The following YTHDC1 variants were observed in gnomAD, a reference collection of about 807,000 sequenced individuals.
YTHDC1 encodes YTH N6-methyladenosine RNA binding protein C1.
In YTHDC1, 12 loss-of-function variants were observed where a neutral mutation model predicts 107.0. The ratio of observed to expected loss-of-function variants is 0.11; its 90% CI spans 0.07 to 0.18. The LOEUF is 0.18. Ranked by LOEUF, YTHDC1 falls within the 10% of genes least tolerant of loss-of-function variation. YTHDC1 has a pLI of 1.00. For synonymous variants in YTHDC1, 280 were observed against 289.5 expected, an observed-to-expected ratio of 0.97 and a Z score of 0.33; for missense variants, 635 against 898.8, an observed-to-expected ratio of 0.71 and a Z score of 3.75.
chr4:68,336,621 T>A (rs1724198795), intron 4 of YTHDC1, among the ~76,000 whole-genome samples: 2 of 152,336 alleles, frequency 1.3e-5, no homozygotes, highest in East Asian at 1.9e-4. Flanking sequence ...TGAAGCCATA[T>A]GATGGAAATC....
intron 9 of YTHDC1, among the ~76,000 whole-genome samples, chr4:68,328,970 TAGGTACC>T (rs1723282430): frequency 1.3e-5 from 2 of 152,254 alleles, no homozygotes; most frequent in African/African-American, 4.8e-5. Context: ...TATGGTATTA[TAGGTACC>T]TCTTACGAGT....
intron 15 of YTHDC1, 93 bp downstream of exon 15, chr4:68,318,426 G>C (rs1722096695): frequency 2.4e-6 from 3 of 1,272,558 alleles, no homozygotes; most frequent in Non-Finnish European, 3.2e-6. Flanking sequence ...TCTCTTTAAT[G>C]AGTAACTGTA....
At chr4:68,340,530 G>A (rs1014196226) in intron 1 of YTHDC1, among the ~76,000 whole-genome samples, 2 of 151,776 alleles carry the variant, frequency 1.3e-5, no homozygotes, top group East Asian at 1.9e-4. Flanking sequence ...TCTGAATGGT[G>A]GCAAACACCA....
At chr4:68,321,205 A>G (rs1264528825) in intron 11 of YTHDC1, among the ~76,000 whole-genome samples, 1 of 152,228 alleles carries the variant, frequency 6.6e-6, no homozygotes, top group Admixed American at 6.5e-5. Flanking sequence ...ACTAGTTTTC[A>G]GCTATTTGTC....
At chr4:68,316,575 G>T in intron 15 of YTHDC1, 127 bp from the exon 16 acceptor site, 2 of 1,073,168 alleles carry the variant, frequency 1.9e-6, no homozygotes, top group South Asian at 2.2e-5. Context: ...TACTTTGATG[G>T]CATTAAGGTG....
chr4:68,316,437 T>C lies in YTHDC1; in HGVS notation c.1836A>G (p.Pro612=), dbSNP rs1200705368. Residue 612 remains proline (P), a synonymous_variant, in exon 16 of 17, where the codon CCA becomes CCG. Coordinates refer to ENST00000344157, the MANE Select transcript of YTHDC1 (RefSeq NM_001031732.4). Reference sequence around the variant, plus strand: ...GATGGTGTGGAGGTTGTTCCATTCCTGGGTAAGGGGGCTAAAAAAGGAAAA... The same window carrying C: ...GATGGTGTGGAGGTTGTTCCATTCCCGGGTAAGGGGGCTAAAAAAGGAAAA... ...PPPWQGMPPY[P]GMEQPPHHPY... is the part of the protein sequence containing the mutation. The C allele has an allele frequency of 3.1e-6, 5 of 1,612,852 alleles. 1 individual carries two copies. The Admixed American group carries it at 5.0e-5, about 16-fold the overall frequency.
At chr4:68,336,711 TAA>T (rs929068481) in intron 4 of YTHDC1, among the ~76,000 whole-genome samples, 17 of 152,230 alleles carry the variant, frequency 1.1e-4, no homozygotes, top group African/African-American at 4.1e-4. Flanking sequence ...CATCAGTGTT[TAA>T]ATAAACTGCT....
At chr4:68,346,405 T>C (rs1317137678) in intron 1 of YTHDC1, among the ~76,000 whole-genome samples, 1 of 152,146 alleles carries the variant, frequency 6.6e-6, no homozygotes, top group Non-Finnish European at 1.5e-5. Context: ...TGTGTGTATA[T>C]ATACAGTAGT....
chr4:68,327,828 T>A (rs1430034217), intron 9 of YTHDC1, among the ~76,000 whole-genome samples: 2 of 152,154 alleles, frequency 1.3e-5, no homozygotes, highest in Non-Finnish European at 2.9e-5. Context: ...GTTAGAAATA[T>A]CACAAGCCCT....
rs1721301871 is a variant in YTHDC1 at position 68,311,513 on chromosome 4, C to A, written c.*2586G>T. 1 of 152,182 alleles carries A rather than the reference C, an allele frequency of 6.6e-6. No individual in the cohort carries two copies. The highest frequency in any genetic ancestry group is 1.5e-5 in the Non-Finnish European group (1 of 68,022). The allele number at this position is 152,182 out of a possible 1,614,324, so 9.4% of individuals were successfully genotyped here. ...AGCACAGTGGAGTACACGAAAGAAA[C>A]CATGTCTTCTCACAGTGACAAAAGC... On this transcript the variant is annotated 3_prime_UTR_variant, in exon 17 of 17. Coordinates refer to ENST00000344157, the MANE Select transcript of YTHDC1 (RefSeq NM_001031732.4).
chr4:68,329,851 TA>T (rs1277611711), intron 9 of YTHDC1, 150 bp downstream of exon 9: 4 of 554,854 alleles, frequency 7.2e-6, no homozygotes, highest in Non-Finnish European at 9.7e-6. Flanking sequence ...AACTTTAGAC[TA>T]AATACGCCTT....
At chr4:68,347,257 G>C (rs915793936) in intron 1 of YTHDC1, among the ~76,000 whole-genome samples, 2 of 152,146 alleles carry the variant, frequency 1.3e-5, no homozygotes, top group Non-Finnish European at 2.9e-5. Flanking sequence ...GTTCTTTGTA[G>C]AGAACTTTGT....
intron 16 of YTHDC1, among the ~76,000 whole-genome samples, chr4:68,315,562 G>C (rs141951500): frequency 1.2e-3 from 177 of 151,958 alleles, no homozygotes; most frequent in African/African-American, 4.1e-3. Flanking sequence ...ATATGCATAT[G>C]AATTATGCTT....
intron 1 of YTHDC1, among the ~76,000 whole-genome samples, chr4:68,341,446 T>C (rs1244321955): frequency 6.6e-6 from 1 of 152,174 alleles, no homozygotes; most frequent in East Asian, 1.9e-4. Context: ...CTTTTATCCG[T>C]ATTATAGTCC....
Position 68,337,640 on chromosome 4 carries a change from C to T in YTHDC1, c.391G>A (p.Glu131Lys). The part of the protein sequence containing the change: ...ASREPYKNQP[E>K]KTCVRKRDPE... Reference sequence around the variant, plus strand: ...TCCCTTTTCCGGACACAGGTTTTTTCAGGTTGATTCTTATAAGGTTCTCTG... The same window carrying T: ...TCCCTTTTCCGGACACAGGTTTTTTTAGGTTGATTCTTATAAGGTTCTCTG... The change falls in exon 3 of 17, where the codon GAA becomes AAA. Residue 131 changes from glutamate (E) to lysine (K), a missense_variant. Coordinates refer to ENST00000344157, the MANE Select transcript of YTHDC1 (RefSeq NM_001031732.4). The T allele has an allele frequency of 6.2e-7, 1 of 1,613,444 alleles. No homozygotes were observed.
At chr4:68,314,826 G>C (rs1001043177) in intron 16 of YTHDC1, among the ~76,000 whole-genome samples, 3 of 151,872 alleles carry the variant, frequency 2.0e-5, no homozygotes, top group Non-Finnish European at 4.4e-5. Flanking sequence ...CAACTAAGTT[G>C]ATGTGCAAGA....
rs1320878116 is a variant in YTHDC1 at position 68,333,299 on chromosome 4, T to C, written c.973+9A>G. The C allele has an allele frequency of 6.3e-7, 1 of 1,599,044 alleles. No individual in the cohort carries two copies. Among genetic ancestry groups the C allele is most frequent in the East Asian group, 2.2e-5 (1 of 44,678 alleles). On this transcript the variant is annotated intron_variant, in intron 5 of 16. Coordinates refer to ENST00000344157, the MANE Select transcript of YTHDC1 (RefSeq NM_001031732.4). ...AATCAAGTCAGATATGATCACAAAA[T>C]GAGAATACCTGCATATGACTCTGAT...
chr4:68,324,325 G>T, intron 9 of YTHDC1, 102 bp from the exon 10 acceptor site: 3 of 1,041,866 alleles, frequency 2.9e-6, no homozygotes, highest in East Asian at 2.5e-5. Context: ...ACTTAAATGT[G>T]ACTAAATTTT....
At chr4:68,335,387 T>TTAGAA (rs1724044619) in intron 4 of YTHDC1, among the ~76,000 whole-genome samples, 1 of 152,186 alleles carries the variant, frequency 6.6e-6, no homozygotes, top group African/African-American at 2.4e-5. Flanking sequence ...GGTATCTCTT[T>TTAGAA]TAGAATAAAC....
Sources: allele counts gnomAD v4.1 joint callset (sites outside exome capture counted in the v4.1 genomes callset), GRCh38; gene constraint gnomAD v4.1.1; transcripts MANE v1.5; gene names NCBI Gene and HGNC (gene_info 2026-07-23, HGNC 2026-07-21).